The following ADGRD1 variants were observed in gnomAD, a reference collection of about 807,000 sequenced individuals.
ADGRD1 encodes G-protein coupled receptor 133.
In ADGRD1, 77 loss-of-function variants were observed where a neutral mutation model predicts 113.4. The ratio of observed to expected loss-of-function variants is 0.68; its 90% CI spans 0.57 to 0.82. The LOEUF is 0.82. Among genes scored for constraint, ADGRD1 ranks in the 40% least tolerant of loss-of-function variants. ADGRD1 has a pLI of 0.00. For missense variants in ADGRD1, 1,036 were observed against 1,139.1 expected (o/e 0.91, Z 1.30); for synonymous variants, 474 against 475.0 (o/e 1.00, Z 0.03).
chr12:130,983,188 G>A (rs1873225970), intron 5 of ADGRD1, among the ~76,000 whole-genome samples: 7 of 152,156 alleles, frequency 4.6e-5, no homozygotes. Context: ...ATCATAGGGT[G>A]ACTGTGAGAA....
chr12:131,025,563 T>TAAA (rs1161488108), intron 13 of ADGRD1: 1 of 150,082 alleles, frequency 6.7e-6, no homozygotes, highest in Admixed American at 6.6e-5. Context: ...TTTTTTTTGA[T>TAAA]ACAGAGTCTT....
At chr12:131,095,644 G>T (rs1887227018) in intron 15 of ADGRD1, among the ~76,000 whole-genome samples, 1 of 152,232 alleles carries the variant, frequency 6.6e-6, no homozygotes, top group African/African-American at 2.4e-5. Flanking sequence ...GCATAGCCCG[G>T]CCGAGGGATC....
intron 8 of ADGRD1, among the ~76,000 whole-genome samples, chr12:130,993,161 C>T (rs1874652885): frequency 6.6e-6 from 1 of 151,988 alleles, no homozygotes; most frequent in African/African-American, 2.4e-5. Flanking sequence ...CCCACTTCAT[C>T]GGGGATAAGT....
At chr12:131,019,728 C>A (rs1436033541) in intron 13 of ADGRD1, among the ~76,000 whole-genome samples, 9 of 152,208 alleles carry the variant, frequency 5.9e-5, no homozygotes, top group African/African-American at 2.2e-4. Context: ...CAGGCTACCA[C>A]AAATTCTGGA....
At chr12:131,133,878 A>G (rs1187019614) in intron 21 of ADGRD1, among the ~76,000 whole-genome samples, 1 of 152,084 alleles carries the variant, frequency 6.6e-6, no homozygotes, top group Non-Finnish European at 1.5e-5. Flanking sequence ...GTTTTATTCT[A>G]GTGATTTTCT....
intron 13 of ADGRD1, among the ~76,000 whole-genome samples, chr12:131,016,559 A>T (rs959685466): frequency 3.9e-5 from 6 of 152,240 alleles, no homozygotes; most frequent in African/African-American, 1.4e-4. Context: ...TCTGGGCTTG[A>T]GGGTAGGGCA....
At chr12:131,034,307 T>A (rs1277750398) in intron 13 of ADGRD1, among the ~76,000 whole-genome samples, 1 of 152,214 alleles carries the variant, frequency 6.6e-6, no homozygotes, top group Non-Finnish European at 1.5e-5. Flanking sequence ...ACGCCTGTCC[T>A]TTTGAATGGA....
rs1356612768 is a variant in ADGRD1 at position 130,966,618 on chromosome 12, G to C, written c.187+72G>C. On this transcript the variant is annotated intron_variant, in intron 3 of 24. Coordinates refer to ENST00000261654, the MANE Select transcript of ADGRD1 (RefSeq NM_198827.5). This position sits in a 1 kb window ranked among gnomAD's most constrained non-coding sequence, Gnocchi z 4.6. Reference sequence around the variant, plus strand: ...GGCCATCAGGAGGCGTGGGTGCTGAGAGTGGCTGGCCTTGAAATCCCAGGG... The same window carrying C: ...GGCCATCAGGAGGCGTGGGTGCTGACAGTGGCTGGCCTTGAAATCCCAGGG... 6.3e-6 allele frequency: 6 copies of C among 946,150 alleles called. 1 individual carries two copies. The highest frequency in any genetic ancestry group is 1.0e-5 in the Non-Finnish European group (6 of 572,660). 58.6% of individuals were successfully genotyped at this position (946,150 alleles called of 1,614,324 possible).
At chr12:131,133,834 G>T (rs1465180810) in intron 21 of ADGRD1, among the ~76,000 whole-genome samples, 1 of 152,184 alleles carries the variant, frequency 6.6e-6, no homozygotes, top group Non-Finnish European at 1.5e-5. Flanking sequence ...TCGTGAGGAA[G>T]CTTCCCCAGC....
chr12:130,997,474 C>T (rs1230380453), intron 8 of ADGRD1, among the ~76,000 whole-genome samples: 1 of 148,876 alleles, frequency 6.7e-6, no homozygotes, highest in African/African-American at 2.5e-5. Flanking sequence ...GGAGGGTCTC[C>T]TCACTTCTCA....
chr12:131,049,685 G>C (rs559582435), intron 13 of ADGRD1, among the ~76,000 whole-genome samples: 1 of 152,300 alleles, frequency 6.6e-6, no homozygotes, highest in African/African-American at 2.4e-5. Context: ...AGTGTGTGCT[G>C]CCGTCTGGGG....
chr12:130,962,762 T>C (rs2043169639), intron 2 of ADGRD1: 1 of 152,178 alleles, frequency 6.6e-6, no homozygotes, highest in Non-Finnish European at 1.5e-5. Flanking sequence ...TTTAGATACT[T>C]CTCTTTAGCT....
At chr12:130,957,869 C>T (rs890666534) in intron 2 of ADGRD1, 7 of 152,346 alleles carry the variant, frequency 4.6e-5, no homozygotes, top group African/African-American at 1.7e-4. Context: ...CTCAGCTTTC[C>T]AGGTTCTAGC....
intron 13 of ADGRD1, among the ~76,000 whole-genome samples, chr12:131,067,533 TTCTGAGCAGGGGCTGCCC>T (rs1341864860): frequency 4.7e-5 from 7 of 150,514 alleles, no homozygotes; most frequent in South Asian, 2.1e-4. Context: ...CTGATCCTTC[TTCTGAGCAGGGGCTGCCC>T]TCTGCCTCCT....
chr12:131,066,930 G>A lies in ADGRD1; in HGVS notation c.1474-9871G>A, dbSNP rs117279814. On this transcript the variant is annotated intron_variant, in intron 13 of 24. Transcript: ENST00000261654. The stretch of plus-strand genomic sequence containing the variant: ...TTTAAGGGCCTCGGCTTTCCCCTGA[G>A]TAAGGTGGGTGCCCCCGGAGGGTCT... 5.6e-4 allele frequency among the ~76,000 whole-genome samples: 86 copies of A among 152,322 alleles called. 1 individual carries two copies. In the East Asian group the frequency reaches 0.016, roughly 28 times the overall value.
chr12:130,960,049 A>AG (rs553644480), intron 2 of ADGRD1, among the ~76,000 whole-genome samples: 135 of 152,328 alleles, frequency 8.9e-4, no homozygotes, highest in African/African-American at 3.1e-3. Flanking sequence ...TCTGCTCCCC[A>AG]GGGGACAGCC....
chr12:131,131,963 G>C, intron 21 of ADGRD1, 147 bp downstream of exon 21: 1 of 646,194 alleles, frequency 1.5e-6, no homozygotes, highest in Non-Finnish European at 2.8e-6. Flanking sequence ...TCTCAGGGCA[G>C]CTCTGGTTTC....
At chr12:131,065,505 C>T (rs186241164) in intron 13 of ADGRD1, among the ~76,000 whole-genome samples, 102 of 152,296 alleles carry the variant, frequency 6.7e-4, no homozygotes, top group African/African-American at 2.4e-3. Context: ...TGGGAGGAGG[C>T]GTCAGAGACA....
intron 20 of ADGRD1, among the ~76,000 whole-genome samples, chr12:131,130,326 A>C (rs1294531009): frequency 6.6e-6 from 1 of 152,216 alleles, no homozygotes; most frequent in African/African-American, 2.4e-5. Context: ...CTGAGCTTCC[A>C]GGTGTTGAGG....
Sources: gnomAD v4.1 joint callset for allele counts (sites outside exome capture counted in the v4.1 genomes callset) on GRCh38, gnomAD v4.1.1 for gene constraint, Gnocchi (gnomAD v3.1) non-coding constraint, MANE v1.5 for transcripts, NCBI Gene and HGNC (gene_info 2026-07-23, HGNC 2026-07-21) for gene names.